The following ENPP1 variants were observed in gnomAD, a reference collection of about 807,000 sequenced individuals.
ENPP1 encodes the protein ectonucleotide pyrophosphatase/phosphodiesterase 1.
A neutral mutation model predicts 122.8 loss-of-function variants in ENPP1; 73 were observed. That is an observed-to-expected ratio of 0.59 (90% CI 0.49 to 0.72). The LOEUF is 0.72. Among genes scored for constraint, ENPP1 ranks in the 30% least tolerant of loss-of-function variants. The probability of loss-of-function intolerance (pLI) is 0.00; values close to 1 mark genes in which losing one functional copy is unlikely to be tolerated. For synonymous variants in ENPP1, 367 were observed against 391.6 expected, an observed-to-expected ratio of 0.94 and a Z score of 0.74; for missense variants, 978 against 1,128.1, an observed-to-expected ratio of 0.87 and a Z score of 1.91.
intron 24 of ENPP1, among the ~76,000 whole-genome samples, chr6:131,889,079 G>A (rs1289352965): frequency 1.3e-5 from 2 of 152,154 alleles, no homozygotes; most frequent in Non-Finnish European, 2.9e-5. Context: ...ACTAGTATTT[G>A]TGTAGTACAT....
intron 1 of ENPP1, among the ~76,000 whole-genome samples, chr6:131,836,609 C>T (rs919932371): frequency 1.4e-4 from 22 of 152,104 alleles, no homozygotes; most frequent in African/African-American, 3.4e-4. Flanking sequence ...TTTAAATGCA[C>T]GAGATTCATG....
rs1393110344 is a variant in ENPP1, at chr6:131,808,169, C to A, written c.134C>A (p.Ala45Glu). The change falls in exon 1 of 25, where the codon GCG becomes GAG. Residue 45 changes from alanine (A) to glutamate (E), a missense_variant. Transcript: ENST00000647893. ...GCCGAGGCGCCCGGGGACCCGCAGGCGGCCGCGTCCTTGCTGGCCCCTATG... is the reference window on the plus strand; with the variant it reads ...GCCGAGGCGCCCGGGGACCCGCAGGAGGCCGCGTCCTTGCTGGCCCCTATG... ...HAAEAPGDPQ[A>E]AASLLAPMDV... 8.2e-6 allele frequency: 12 copies of A among 1,459,848 alleles called. No homozygotes were observed. The highest frequency in any genetic ancestry group is 1.1e-5 in the Non-Finnish European group (12 of 1,101,890). 90.4% of individuals were successfully genotyped at this position (1,459,848 alleles called of 1,614,324 possible). A position where few individuals can be genotyped will look rare whatever the true frequency, so the allele number is the denominator to read the frequency against.
At position 131,860,168 on chromosome 6, in the gene ENPP1, A is replaced by T. The variant is rs62424482; in HGVS notation, c.796-219A>T. On this transcript the variant is annotated intron_variant, in intron 7 of 24. Transcript: ENST00000647893. ...TAGATCTTTATCCTTAGTATTACTG[A>T]CTTATTTTCTCCTATTACATAATTT... 0.032 allele frequency among the ~76,000 whole-genome samples: 4,946 copies of T among 152,228 alleles called. 92 individuals carry two copies. The highest frequency in any genetic ancestry group is 0.044 in the African/African-American group (1,843 of 41,532).
At chr6:131,870,337 GACCAC>G (rs1782145648) in intron 13 of ENPP1, among the ~76,000 whole-genome samples, 1 of 152,128 alleles carries the variant, frequency 6.6e-6, no homozygotes. Context: ...CACATCTCTT[GACCAC>G]ATGTGGAACA....
chr6:131,881,503 G>A (rs938513089), intron 20 of ENPP1, among the ~76,000 whole-genome samples: 1 of 152,120 alleles, frequency 6.6e-6, no homozygotes, highest in African/African-American at 2.4e-5. Flanking sequence ...TTCGGTGACT[G>A]TCCTCCTTTG....
chr6:131,879,634 TC>T (rs772515597), intron 19 of ENPP1, among the ~76,000 whole-genome samples: 4 of 152,214 alleles, frequency 2.6e-5, no homozygotes, highest in Admixed American at 6.5e-5. Flanking sequence ...TTTAGCAATT[TC>T]ATATAGTGTC....
chr6:131,838,200 A>G (rs901931056), intron 1 of ENPP1, among the ~76,000 whole-genome samples: 3 of 152,200 alleles, frequency 2.0e-5, no homozygotes, highest in Non-Finnish European at 1.5e-5. Context: ...CTTCAAAAGG[A>G]TGATAGTCTG....
chr6:131,851,475 C>G, intron 4 of ENPP1: 1 of 569,620 alleles, frequency 1.8e-6, no homozygotes, highest in South Asian at 2.1e-5. Flanking sequence ...ACCCATCACC[C>G]AGCTTCATAA....
At chr6:131,860,631 T>C (rs570186756) in intron 8 of ENPP1, 125 bp downstream of exon 8, 9 of 712,288 alleles carry the variant, frequency 1.3e-5, no homozygotes, top group African/African-American at 1.1e-4. Context: ...GGCCATTCTT[T>C]TGTAAATGGA....
rs1782216596 is a variant in ENPP1 at position 131,875,399 on chromosome 6, AC to A, written c.1636-376del. On this transcript the variant is annotated intron_variant, in intron 16 of 24. Transcript: ENST00000647893. ...TATGTTCTGAGAAGGATAATATCTT[AC>A]ATTTACCCAGCACTTTAACATTTTC... Among the ~76,000 whole-genome samples the A allele has an allele frequency of 2.6e-5, 4 of 152,298 alleles. No homozygotes were observed. In the South Asian group the frequency reaches 8.3e-4, roughly 32 times the overall value.
intron 17 of ENPP1, among the ~76,000 whole-genome samples, chr6:131,876,701 T>C (rs1782234110): frequency 1.3e-5 from 2 of 152,212 alleles, no homozygotes; most frequent in Non-Finnish European, 2.9e-5. Context: ...TAAGAAAATA[T>C]GTTAGTACCA....
intron 1 of ENPP1, among the ~76,000 whole-genome samples, chr6:131,838,505 A>T (rs1781703209): frequency 6.6e-6 from 1 of 152,046 alleles, no homozygotes; most frequent in Non-Finnish European, 1.5e-5. Flanking sequence ...TAAAACAATG[A>T]TGTCTAAAGG....
chr6:131,824,671 G>A (rs1290733764), intron 1 of ENPP1, among the ~76,000 whole-genome samples: 1 of 152,090 alleles, frequency 6.6e-6, no homozygotes, highest in African/African-American at 2.4e-5. Context: ...GGCCAGGCTG[G>A]TCTCAAACTC....
intron 1 of ENPP1, among the ~76,000 whole-genome samples, chr6:131,812,043 G>C (rs567707673): frequency 1.3e-5 from 2 of 152,246 alleles, no homozygotes; most frequent in East Asian, 3.9e-4. Flanking sequence ...AAAATAAGGG[G>C]ACAGAGCAGC....
chr6:131,826,536 G>T (rs1227397538), intron 1 of ENPP1: 9 of 1,242,318 alleles, frequency 7.2e-6, no homozygotes, highest in Non-Finnish European at 1.1e-5. Context: ...CAGTTTTAAG[G>T]TTATTTTCCT....
At chr6:131,835,914 A>T (rs1328437279) in intron 1 of ENPP1, among the ~76,000 whole-genome samples, 1 of 152,098 alleles carries the variant, frequency 6.6e-6, no homozygotes, top group African/African-American at 2.4e-5. Flanking sequence ...TATACTTGTG[A>T]TTATCTTAAT....
rs1186006107 is a variant in ENPP1, at chr6:131,893,950, T to C, written c.*3439T>C. Reference sequence around the variant, plus strand: ...TGAAACCTTTATTTATCTTGATTTCTTTTTTTTTTTTTTTTTTTTTTTTTT... The same window carrying C: ...TGAAACCTTTATTTATCTTGATTTCCTTTTTTTTTTTTTTTTTTTTTTTTT... On this transcript the variant is annotated 3_prime_UTR_variant, in exon 25 of 25. Coordinates refer to ENST00000647893, the MANE Select transcript of ENPP1 (RefSeq NM_006208.3). The C allele has an allele frequency of 5.7e-5, 1 of 17,548 alleles. No individual in the cohort carries two copies. Among genetic ancestry groups the C allele is most frequent in the South Asian group, 1.5e-3 (1 of 672 alleles). 1.1% of individuals were successfully genotyped at this position (17,548 alleles called of 1,614,324 possible).
rs761158350 is a variant in ENPP1 at position 131,858,728 on chromosome 6, A to G, written c.776A>G (p.Asn259Ser). The change falls in exon 7 of 25, where the codon AAT (asparagine) becomes AGT (serine). Residue 259 changes from asparagine to serine, a missense_variant. Physicochemically the swap from Asn to Ser is conservative, Grantham distance 46. Transcript: ENST00000647893. Reference protein sequence around the residue: ...RPVYPTKTFPNHYSIVTGLYP... With the variant: ...RPVYPTKTFPSHYSIVTGLYP... Reference sequence around the variant, plus strand: ...GTATATCCAACAAAAACTTTCCCCAATCACTACAGCATTGTCACCGTAAGC... The same window carrying G: ...GTATATCCAACAAAAACTTTCCCCAGTCACTACAGCATTGTCACCGTAAGC... 8 of 1,610,652 alleles carry G rather than the reference A, an allele frequency of 5.0e-6. No individual in the cohort carries two copies. The highest frequency in any genetic ancestry group is 1.1e-5 in the South Asian group (1 of 91,026).
At chr6:131,825,322 C>T (rs1781533890) in intron 1 of ENPP1, among the ~76,000 whole-genome samples, 1 of 151,946 alleles carries the variant, frequency 6.6e-6, no homozygotes, top group African/African-American at 2.4e-5. Context: ...GTTAATTGAC[C>T]ACTTCGTAAC....
Sources: gnomAD v4.1 joint callset for allele counts (sites outside exome capture counted in the v4.1 genomes callset) on GRCh38, gnomAD v4.1.1 for gene constraint, MANE v1.5 for transcripts, NCBI Gene and HGNC (gene_info 2026-07-23, HGNC 2026-07-21) for gene names.